ATP11A: variants seen among roughly 807,000 people sequenced by gnomAD.
ATP11A encodes the protein phospholipid-transporting ATPase IH.
ATP11A carries 81 observed loss-of-function variants against 154.4 expected under a neutral mutation model. The ratio of observed to expected loss-of-function variants is 0.52; its 90% confidence interval spans 0.44 to 0.63. ATP11A has a LOEUF of 0.63. ATP11A is among the 30% of genes least tolerant of loss of function. The pLI, the probability that ATP11A is intolerant of heterozygous loss-of-function variation, is 0.00. For synonymous variants in ATP11A, 623 were observed against 585.9 expected, an observed-to-expected ratio of 1.06 and a Z score of -0.91; for missense variants, 1,316 against 1,474.3, an observed-to-expected ratio of 0.89 and a Z score of 1.76.
intron 2 of ATP11A, among the ~76,000 whole-genome samples, chr13:112,803,546 A>G (rs2078194210): frequency 6.6e-6 from 1 of 151,756 alleles, no homozygotes; most frequent in African/African-American, 2.4e-5. Flanking sequence ...GAAATTTCAG[A>G]AACTATTTCC....
chr13:112,775,865 C>G (rs2139974350), intron 1 of ATP11A, among the ~76,000 whole-genome samples: 1 of 152,370 alleles, frequency 6.6e-6, no homozygotes, highest in South Asian at 2.1e-4. Context: ...AACCTAGTTT[C>G]TGCCCCCAGT....
rs149360880 is a variant in ATP11A at position 112,878,187 on chromosome 13, G to C, written c.3328-30G>C. 735 of 1,603,692 alleles carry C rather than the reference G, an allele frequency of 4.6e-4. 3 individuals are homozygous for C. The African/African-American group carries it at 8.0e-3, about 17-fold the overall frequency. Reference sequence around the variant, plus strand: ...CCTCACACCTTGTTCACACACCCCTGTGTGCGTGGCCGCTGACCTCGGGAC... The same window carrying C: ...CCTCACACCTTGTTCACACACCCCTCTGTGCGTGGCCGCTGACCTCGGGAC... On this transcript the variant is annotated intron_variant, in intron 28 of 29. Transcript: ENST00000375645.
At chr13:112,762,480 A>G (rs2076985076) in intron 1 of ATP11A, among the ~76,000 whole-genome samples, 1 of 151,946 alleles carries the variant, frequency 6.6e-6, no homozygotes, top group Non-Finnish European at 1.5e-5. Context: ...TCACTTGTTG[A>G]CAGGAGGTGT....
chr13:112,846,049 G>A (rs1215321472), intron 17 of ATP11A, among the ~76,000 whole-genome samples: 1 of 152,188 alleles, frequency 6.6e-6, no homozygotes, highest in Non-Finnish European at 1.5e-5. Context: ...CTTTTCTCCT[G>A]GGGACCCTCC....
chr13:112,826,469 G>A (rs1035928892), intron 11 of ATP11A, among the ~76,000 whole-genome samples: 4 of 152,172 alleles, frequency 2.6e-5, no homozygotes, highest in Non-Finnish European at 5.9e-5. Context: ...TTGCTGGCAG[G>A]ACAGCCCCAC....
intron 1 of ATP11A, among the ~76,000 whole-genome samples, chr13:112,749,077 C>T (rs1226251200): frequency 1.3e-5 from 2 of 152,212 alleles, no homozygotes; most frequent in Non-Finnish European, 1.5e-5. Context: ...TGCTGGGGCC[C>T]CAGGGCAGGT....
At chr13:112,701,517 A>G (rs2139495762) in intron 1 of ATP11A, among the ~76,000 whole-genome samples, 1 of 152,302 alleles carries the variant, frequency 6.6e-6, no homozygotes, top group East Asian at 1.9e-4. Flanking sequence ...TATTCAGCAC[A>G]CTGATTTCTT....
At chr13:112,832,225 T>C (rs1167151814) in intron 13 of ATP11A, among the ~76,000 whole-genome samples, 1 of 152,240 alleles carries the variant, frequency 6.6e-6, no homozygotes, top group Non-Finnish European at 1.5e-5. Context: ...CCCAGGCTGA[T>C]GCTGTTCCTG....
chr13:112,808,440 C>T (rs1435715301), intron 4 of ATP11A, among the ~76,000 whole-genome samples: 2 of 152,104 alleles, frequency 1.3e-5, no homozygotes, highest in Non-Finnish European at 2.9e-5. Context: ...GCTTCCCCTA[C>T]TGCTGGTCTG....
At position 112,886,498 on chromosome 13, in the gene ATP11A, C is replaced by T. The variant is rs2080983075; in HGVS notation, c.*4632C>T. ...TCTTTAGGAAGTTACCCATTTGTAA[C>T]TTTAAAAACAGGAAAAATATCAGTT... On this transcript the variant is annotated 3_prime_UTR_variant, in exon 30 of 30. Coordinates refer to ENST00000375645, the MANE Select transcript of ATP11A (RefSeq NM_015205.3). 1 of 151,896 alleles carries T rather than the reference C, an allele frequency of 6.6e-6. No individual in the cohort carries two copies. The highest frequency in any genetic ancestry group is 2.1e-4 in the South Asian group (1 of 4,816). The allele number at this position is 151,896 out of a possible 1,614,324, so 9.4% of individuals were successfully genotyped here. A position where few individuals can be genotyped will look rare whatever the true frequency, so the allele number is the denominator to read the frequency against.
intron 1 of ATP11A, among the ~76,000 whole-genome samples, chr13:112,765,151 T>TC (rs5806961): frequency 8.1e-6 from 1 of 123,788 alleles, no homozygotes; most frequent in Non-Finnish European, 1.8e-5. Flanking sequence ...TTGCCCCCCC[T>TC]CCCCCCCGCC....
intron 1 of ATP11A, among the ~76,000 whole-genome samples, chr13:112,762,778 A>T (rs1269106056): frequency 6.6e-6 from 1 of 152,240 alleles, no homozygotes; most frequent in African/African-American, 2.4e-5. Flanking sequence ...ACAAACAAAA[A>T]GTGTCTCTTT....
chr13:112,819,018 C>T (rs754803896), intron 6 of ATP11A, among the ~76,000 whole-genome samples: 1 of 152,216 alleles, frequency 6.6e-6, no homozygotes, highest in Non-Finnish European at 1.5e-5. Flanking sequence ...TAATTAATAG[C>T]TACTACTATG....
chr13:112,736,988 A>T (rs1176151676), intron 1 of ATP11A, among the ~76,000 whole-genome samples: 1 of 152,142 alleles, frequency 6.6e-6, no homozygotes, highest in Non-Finnish European at 1.5e-5. Flanking sequence ...ATTTCAGAAA[A>T]CTGTTTGGCA....
intron 1 of ATP11A, among the ~76,000 whole-genome samples, chr13:112,759,242 C>T (rs998627957): frequency 6.6e-6 from 1 of 152,176 alleles, no homozygotes; most frequent in Non-Finnish European, 1.5e-5. Flanking sequence ...AGGCCACATC[C>T]TGCAGCCCTC....
chr13:112,867,296 C>T (rs1448045936), intron 25 of ATP11A, among the ~76,000 whole-genome samples: 1 of 152,244 alleles, frequency 6.6e-6, no homozygotes, highest in African/African-American at 2.4e-5. Flanking sequence ...TCCCGAGAGG[C>T]AGGGCCTGGG....
At chr13:112,830,281 A>G (rs2079051106) in intron 12 of ATP11A, among the ~76,000 whole-genome samples, 1 of 152,210 alleles carries the variant, frequency 6.6e-6, no homozygotes, top group Non-Finnish European at 1.5e-5. Flanking sequence ...ACCCTTTTAA[A>G]AATGCTTTTA....
At chr13:112,708,270 G>A (rs548979155) in intron 1 of ATP11A, among the ~76,000 whole-genome samples, 22 of 152,194 alleles carry the variant, frequency 1.4e-4, no homozygotes, top group East Asian at 3.9e-4. Context: ...CTTATTTCTC[G>A]TTGGCAAAAA....
At chr13:112,790,658 C>A (rs184976774) in intron 2 of ATP11A, among the ~76,000 whole-genome samples, 5 of 149,528 alleles carry the variant, frequency 3.3e-5, no homozygotes, top group Non-Finnish European at 7.4e-5. Context: ...GATGTGTAGA[C>A]CCCTGCGATA....
Sources: gnomAD v4.1 joint callset for allele counts (sites outside exome capture counted in the v4.1 genomes callset) on GRCh38, gnomAD v4.1.1 for gene constraint, MANE v1.5 for transcripts, NCBI Gene and HGNC (gene_info 2026-07-23, HGNC 2026-07-21) for gene names.